Variants in SASH1 observed in about 807,000 individuals in gnomAD.
SASH1 encodes the protein SAM and SH3 domain containing 1.
Under a neutral mutation model 125.2 loss-of-function variants are expected in SASH1, and 44 were observed. That is an observed-to-expected ratio of 0.35 (90% CI 0.28 to 0.45). The LOEUF is 0.45. Ranked by LOEUF, SASH1 falls within the 20% of genes least tolerant of loss-of-function variation. The pLI, the probability that SASH1 is intolerant of heterozygous loss-of-function variation, is 1.00. For synonymous variants in SASH1, 639 were observed against 649.1 expected, an observed-to-expected ratio of 0.98 and a Z score of 0.24; for missense variants, 1,426 against 1,614.5, an observed-to-expected ratio of 0.88 and a Z score of 2.00.
At chr6:148,520,892 C>T (rs1780767126) in intron 10 of SASH1, among the ~76,000 whole-genome samples, 2 of 152,138 alleles carry the variant, frequency 1.3e-5, no homozygotes. Flanking sequence ...TTAGTAGAGG[C>T]AAGCAGAAAG....
intron 1 of SASH1, among the ~76,000 whole-genome samples, chr6:148,272,782 C>T (rs1001390678): frequency 9.2e-5 from 14 of 152,202 alleles, no homozygotes; most frequent in Admixed American, 7.2e-4. Context: ...AAGGATGTAA[C>T]GATGTATTTC....
rs1307870067 is a variant in SASH1 at position 148,396,500 on chromosome 6, AAAAG to A, written c.285+6248_285+6251del. Among the ~76,000 whole-genome samples the A allele has an allele frequency of 3.2e-4, 48 of 149,190 alleles. 1 individual carries two copies. The highest frequency in any genetic ancestry group is 9.2e-4 in the African/African-American group (36 of 39,196). On this transcript the variant is annotated intron_variant, in intron 2 of 19. Transcript: ENST00000367467. The stretch of plus-strand genomic sequence containing the variant: ...TCAGAAAAAAAAAAAAAAAAAAAAA[AAAAG>A]AAAGAAAGAGAACCATTGTTAATGG...
At chr6:148,350,020 T>A (rs1781670294) in intron 1 of SASH1, among the ~76,000 whole-genome samples, 1 of 152,028 alleles carries the variant, frequency 6.6e-6, no homozygotes. Context: ...TAATTTTTTG[T>A]ATTTTTAGTA....
At chr6:148,204,385 G>A in the SASH1 span, among the ~76,000 whole-genome samples, 3 of 152,110 alleles carry the variant, frequency 2.0e-5, no homozygotes, top group African/African-American at 4.8e-5. Context: ...CCAAAAGTTG[G>A]AGGTTTTTGA....
chr6:148,367,905 G>C lies in SASH1; in HGVS notation c.157-22229G>C, dbSNP rs114506573. Among the ~76,000 whole-genome samples, 1,138 of 152,334 alleles carry C rather than the reference G, an allele frequency of 7.5e-3. 14 individuals carry two copies. The highest frequency in any genetic ancestry group is 0.023 in the African/African-American group (943 of 41,582). On this transcript the variant is annotated intron_variant, in intron 1 of 19. Transcript: ENST00000367467. Reference sequence around the variant, plus strand: ...TTTTCCCATGGGGCCTGTGGGTGGAGTCGTTCAGGGCTGCGGGGTCTACCG... The same window carrying C: ...TTTTCCCATGGGGCCTGTGGGTGGACTCGTTCAGGGCTGCGGGGTCTACCG...
chr6:148,254,115 A>C, the SASH1 span, among the ~76,000 whole-genome samples: 1 of 151,904 alleles, frequency 6.6e-6, no homozygotes, highest in Non-Finnish European at 1.5e-5. Context: ...GCTGAGGCAC[A>C]AGAATCGCTT....
chr6:148,373,860 C>T (rs1782789050), intron 1 of SASH1, among the ~76,000 whole-genome samples: 1 of 152,208 alleles, frequency 6.6e-6, no homozygotes, highest in Non-Finnish European at 1.5e-5. Context: ...GTAATCGCAG[C>T]TGCCTGGGTG....
At chr6:148,530,289 C>T (rs1363734667) in intron 12 of SASH1, among the ~76,000 whole-genome samples, 1 of 152,142 alleles carries the variant, frequency 6.6e-6, no homozygotes, top group Admixed American at 6.5e-5. Context: ...CAGAGACCCA[C>T]ATTTACTATT....
intron 8 of SASH1, among the ~76,000 whole-genome samples, chr6:148,511,483 T>A (rs899954173): frequency 7.2e-5 from 11 of 152,242 alleles, no homozygotes; most frequent in African/African-American, 2.6e-4. Context: ...TTGGTTGCCA[T>A]GGTTTGTGAT....
chr6:148,303,717 C>A (rs1253027972), intron 1 of SASH1, among the ~76,000 whole-genome samples: 2 of 151,648 alleles, frequency 1.3e-5, no homozygotes, highest in East Asian at 3.9e-4. Flanking sequence ...ATCGCTAGAA[C>A]TCGGGAGGTG....
intron 1 of SASH1, among the ~76,000 whole-genome samples, chr6:148,307,090 TTC>T (rs1170335424): frequency 8.3e-6 from 1 of 119,814 alleles, no homozygotes; most frequent in African/African-American, 3.6e-5. Context: ...CTTTCTTTCT[TTC>T]TTTCTCTCTC....
intron 1 of SASH1, among the ~76,000 whole-genome samples, chr6:148,387,668 C>G (rs1783517830): frequency 2.7e-5 from 2 of 72,854 alleles, no homozygotes; most frequent in African/African-American, 1.3e-4. Context: ...TTCTTTCTTT[C>G]TTTCTTTCTT....
At chr6:148,324,801 G>T (rs1041298754) in intron 1 of SASH1, among the ~76,000 whole-genome samples, 1 of 152,150 alleles carries the variant, frequency 6.6e-6, no homozygotes, top group African/African-American at 2.4e-5. Flanking sequence ...AGGATTTCCA[G>T]TGCTAAAACT....
chr6:148,260,795 G>GTTTT, the SASH1 span, among the ~76,000 whole-genome samples: 1 of 111,256 alleles, frequency 9.0e-6, no homozygotes, highest in African/African-American at 3.6e-5. Context: ...TCCTATAAGG[G>GTTTT]CTTTTTTTTT....
chr6:148,395,530 A>G (rs1299526427), intron 2 of SASH1, among the ~76,000 whole-genome samples: 2 of 152,238 alleles, frequency 1.3e-5, no homozygotes, highest in Non-Finnish European at 2.9e-5. Flanking sequence ...CAGAGAGTAC[A>G]GATGGGTAAA....
At chr6:148,487,509 A>G in intron 7 of SASH1, 105 bp from the exon 8 acceptor site, 1 of 795,564 alleles carries the variant, frequency 1.3e-6, no homozygotes, top group Admixed American at 2.2e-5. Flanking sequence ...GCACAAGATT[A>G]TGAACCAGGA....
At chr6:148,213,878 C>T in the SASH1 span, among the ~76,000 whole-genome samples, 1 of 152,148 alleles carries the variant, frequency 6.6e-6, no homozygotes, top group African/African-American at 2.4e-5. Context: ...TCCCCTTGCT[C>T]TTTTGATTTA....
chr6:148,396,517 C>T (rs1356646228), intron 2 of SASH1, among the ~76,000 whole-genome samples: 1 of 147,258 alleles, frequency 6.8e-6, no homozygotes, highest in African/African-American at 2.5e-5. Context: ...AGAAAGAGAA[C>T]CATTGTTAAT....
intron 1 of SASH1, among the ~76,000 whole-genome samples, chr6:148,280,792 C>T (rs4470871): frequency 0.14 from 21,652 of 151,810 alleles, 1,614 homozygotes; most frequent in Middle Eastern, 0.21. Flanking sequence ...TAGGTGACAG[C>T]GTAAGACCTT....
Sources: allele counts gnomAD v4.1 joint callset (sites outside exome capture counted in the v4.1 genomes callset), GRCh38; gene constraint gnomAD v4.1.1; transcripts MANE v1.5; gene names NCBI Gene and HGNC (gene_info 2026-07-23, HGNC 2026-07-21).